The following PKN3 variants were observed in gnomAD, a reference collection of about 807,000 sequenced individuals.
PKN3 encodes protein kinase N3.
In PKN3, 91 loss-of-function variants were observed where a neutral mutation model predicts 113.1. The observed-to-expected ratio is 0.80, with a 90% CI of 0.68 to 0.96. The LOEUF (loss-of-function observed/expected upper bound fraction) is 0.96, where lower values mean the gene tolerates loss of function less well. Ranked by LOEUF, PKN3 falls within the 40% of genes least tolerant of loss-of-function variation. The pLI is 0.00. For missense variants in PKN3, 1,052 were observed against 1,202.2 expected (o/e 0.88, Z 1.85); for synonymous variants, 467 against 499.0 (o/e 0.94, Z 0.85).
chr9:128,718,674 C>A, intron 18 of PKN3, 49 bp downstream of exon 18: 1 of 1,545,724 alleles, frequency 6.5e-7, no homozygotes, highest in Non-Finnish European at 8.9e-7. Flanking sequence ...TTTACCCACC[C>A]TGGCCAATAG....
chr9:128,707,610 G>A (rs761821654), intron 6 of PKN3, among the ~76,000 whole-genome samples: 1 of 152,242 alleles, frequency 6.6e-6, no homozygotes, highest in Non-Finnish European at 1.5e-5. Context: ...ACCTCATAGG[G>A]TTGCTGTGTT....
At position 128,719,070 on chromosome 9, in the gene PKN3, A is replaced by AT. The variant is rs1862437618; in HGVS notation, c.2125+452dup. Among the ~76,000 whole-genome samples the AT allele has an allele frequency of 1.3e-5, 2 of 149,902 alleles. 1 individual carries two copies. Among genetic ancestry groups the AT allele is most frequent in the Non-Finnish European group, 3.0e-5 (2 of 67,396 alleles). On this transcript the variant is annotated intron_variant, in intron 18 of 21. Coordinates refer to ENST00000291906, the MANE Select transcript of PKN3 (RefSeq NM_013355.5). ...ACCACCACACCTGGCTAATTTTTGTATTTTTTTAGTAGAGACGGGGTTTCA... is the reference window on the plus strand; with the variant it reads ...ACCACCACACCTGGCTAATTTTTGTATTTTTTTTAGTAGAGACGGGGTTTCA...
chr9:128,720,624 T>G lies in PKN3; in HGVS notation c.*18T>G. On this transcript the variant is annotated 3_prime_UTR_variant, in exon 22 of 22. Transcript: ENST00000291906. The surrounding 1 kb of genome is among the most constrained non-coding windows in gnomAD (Gnocchi z 5.5). Reference sequence around the variant, plus strand: ...AACCCTGAGGGCATCTCCTGGCACCTCTGTCCCCTTCCCCCACAGACTGTT... The same window carrying G: ...AACCCTGAGGGCATCTCCTGGCACCGCTGTCCCCTTCCCCCACAGACTGTT... 1 of 1,598,350 alleles carries G rather than the reference T, an allele frequency of 6.3e-7. No individual in the cohort carries two copies. Among genetic ancestry groups the G allele is most frequent in the East Asian group, 2.2e-5 (1 of 44,572 alleles).
chr9:128,705,214 T>C, intron 1 of PKN3, 89 bp from the exon 2 acceptor site: 2 of 1,494,348 alleles, frequency 1.3e-6, no homozygotes, highest in Non-Finnish European at 1.8e-6. Context: ...CGTCCCTTCC[T>C]TCGCCTCCAT....
At position 128,707,409 on chromosome 9, in the gene PKN3, G is replaced by A. The variant is rs756987708; in HGVS notation, c.835+4G>A. 1.3e-6 allele frequency: 2 copies of A among 1,594,138 alleles called. No homozygotes were observed. The highest frequency in any genetic ancestry group is 1.7e-6 in the Non-Finnish European group (2 of 1,167,832). Reference sequence around the variant, plus strand: ...GTGAAGCCCACCGCCCTAACAGGTAGTCAGAAGTTCCTCCCCCTTCAAAGC... The same window carrying A: ...GTGAAGCCCACCGCCCTAACAGGTAATCAGAAGTTCCTCCCCCTTCAAAGC... On this transcript the variant is annotated splice_donor_region_variant and intron_variant, in intron 6 of 21. Transcript: ENST00000291906.
intron 6 of PKN3, among the ~76,000 whole-genome samples, chr9:128,711,534 G>A (rs1422816912): frequency 2.6e-5 from 4 of 151,464 alleles, no homozygotes; most frequent in African/African-American, 7.3e-5. Context: ...TCCTGACCTC[G>A]TGATCTGCCC....
At position 128,713,118 on chromosome 9, in the gene PKN3, C is replaced by T. The variant is rs370572604; in HGVS notation, c.902C>T (p.Ala301Val). The change falls in exon 7 of 22, where the codon GCG becomes GTG. Residue 301 changes from alanine to valine, a missense_variant. Physicochemically the swap from Ala to Val is moderately conservative, Grantham distance 64. This residue lies in a region of PKN3 where 719 missense variants were observed against 759.4 expected (regional missense o/e 0.95). Coordinates refer to ENST00000291906, the MANE Select transcript of PKN3 (RefSeq NM_013355.5). ...LLTAVPGRSPAAALASSPSEG... is the reference protein window; with the variant it reads ...LLTAVPGRSPVAALASSPSEG... ...ACAGCCGTGCCTGGGCGCTCCCCAG[C>T]GGCCGCACTGGCCAGCAGCCCCTCC... 1.2e-5 allele frequency: 20 copies of T among 1,611,900 alleles called. No individual in the cohort carries two copies. Among genetic ancestry groups the T allele is most frequent in the African/African-American group, 4.0e-5 (3 of 74,934 alleles).
intron 2 of PKN3, 44 bp from the exon 3 acceptor site, chr9:128,705,690 G>A (rs56408416): frequency 0.027 from 42,065 of 1,557,494 alleles, 752 homozygotes; most frequent in South Asian, 0.061. Flanking sequence ...TGGGGGTCTC[G>A]GCTCTGGGTG....
Position 128,718,569 on chromosome 9 carries a change from T to G in PKN3, c.2069T>G (p.Leu690Arg), listed in dbSNP as rs1458941941. 50 of 1,614,084 alleles carry G rather than the reference T, an allele frequency of 3.1e-5. No individual in the cohort carries two copies. The highest frequency in any genetic ancestry group is 4.2e-5 in the Non-Finnish European group (50 of 1,180,004). The change falls in exon 18 of 22, where the codon CTT becomes CGT. Residue 690 changes from leucine to arginine, a missense_variant. Around this residue, in one of 2 missense-constraint regions of PKN3, gnomAD observed 333 missense variants for 442.8 expected, o/e 0.75. Coordinates refer to ENST00000291906, the MANE Select transcript of PKN3 (RefSeq NM_013355.5). Reference protein sequence around the residue: ...IIYRDLKLDNLLLDAQGFLKI... With the variant: ...IIYRDLKLDNRLLDAQGFLKI... Reference sequence around the variant, plus strand: ...CTCAGGGACCTGAAGTTGGATAACCTTCTGCTGGATGCCCAGGGATTCCTG... The same window carrying G: ...CTCAGGGACCTGAAGTTGGATAACCGTCTGCTGGATGCCCAGGGATTCCTG...
Position 128,718,721 on chromosome 9 carries a change from C to T in PKN3, c.2125+96C>T, listed in dbSNP as rs1862419753. ...CATGGCATGTCCCAGGAAATCTCCT[C>T]ACCTGCGGATGCCCTGGTTCCACCA... On this transcript the variant is annotated intron_variant, in intron 18 of 21. Coordinates refer to ENST00000291906, the MANE Select transcript of PKN3 (RefSeq NM_013355.5). 8.5e-6 allele frequency: 10 copies of T among 1,173,800 alleles called. No individual in the cohort carries two copies. In the South Asian group the frequency reaches 1.2e-4, roughly 14 times the overall value. 72.7% of individuals were successfully genotyped at this position (1,173,800 alleles called of 1,614,324 possible). A position where few individuals can be genotyped will look rare whatever the true frequency, so the allele number is the denominator to read the frequency against.
intron 6 of PKN3, 63 bp from the exon 7 acceptor site, chr9:128,712,989 C>CT: frequency 1.3e-6 from 2 of 1,526,518 alleles, no homozygotes; most frequent in Non-Finnish European, 1.8e-6. Flanking sequence ...GGTCCCAGGA[C>CT]ACCTTGGTGG....
At chr9:128,711,326 A>C (rs1166002726) in intron 6 of PKN3, among the ~76,000 whole-genome samples, 1 of 92,498 alleles carries the variant, frequency 1.1e-5, no homozygotes, top group East Asian at 3.3e-4. Context: ...TTTTTTTTGG[A>C]GACAGAGTCT....
At chr9:128,708,619 C>T (rs1357504826) in intron 6 of PKN3, among the ~76,000 whole-genome samples, 4 of 151,474 alleles carry the variant, frequency 2.6e-5, no homozygotes, top group African/African-American at 4.9e-5. Context: ...CTGAGGTGGA[C>T]GAATCATTTG....
intron 1 of PKN3, chr9:128,703,287 G>A: frequency 1.2e-6 from 1 of 842,116 alleles, no homozygotes; most frequent in South Asian, 5.4e-5. Context: ...AAGGCCGACG[G>A]GAATTAGCCG....
At chr9:128,719,870 G>A in intron 19 of PKN3, 40 bp from the exon 20 acceptor site, 2 of 1,605,602 alleles carry the variant, frequency 1.2e-6, no homozygotes, top group South Asian at 2.2e-5. Flanking sequence ...GGGTGGGGGT[G>A]GGGTGGCCCG....
Position 128,720,499 on chromosome 9 carries a change from C to T in PKN3, c.2563C>T (p.Leu855=). 1.9e-6 allele frequency: 3 copies of T among 1,613,176 alleles called. No homozygotes were observed. In the South Asian group the frequency reaches 3.3e-5, roughly 18 times the overall value. Residue 855 remains leucine, a synonymous_variant, in exon 22 of 22, where the codon CTG becomes TTG. Transcript: ENST00000291906. This position sits in a 1 kb window ranked among gnomAD's most constrained non-coding sequence, Gnocchi z 5.5. ...CTACTTTGAGGGCGAGTTCACAGGG[C>T]TGCCGCCTGCCCTGACCCCACCTGC... ...LRYFEGEFTG[L]PPALTPPAPH...
intron 6 of PKN3, among the ~76,000 whole-genome samples, chr9:128,709,544 G>A (rs1310937072): frequency 6.6e-6 from 1 of 151,758 alleles, no homozygotes; most frequent in Non-Finnish European, 1.5e-5. Flanking sequence ...CTGAGGTCGG[G>A]AGTTCGAGAG....
rs1419282057 is a variant in PKN3 at position 128,715,989 on chromosome 9, TA to T, written c.1808+536del. On this transcript the variant is annotated intron_variant, in intron 15 of 21. Coordinates refer to ENST00000291906, the MANE Select transcript of PKN3 (RefSeq NM_013355.5). The surrounding 1 kb of genome is among the most constrained non-coding windows in gnomAD (Gnocchi z 4.1). Reference sequence around the variant, plus strand: ...CTGGGCAACAGAATGAGACCTCATCTAAAAAAACTAATTAAAAAAAAAAAAA... The same window carrying T: ...CTGGGCAACAGAATGAGACCTCATCTAAAAAACTAATTAAAAAAAAAAAAA... Among the ~76,000 whole-genome samples the T allele has an allele frequency of 2.0e-5, 3 of 148,406 alleles. No homozygotes were observed. The East Asian group carries it at 5.9e-4, about 29-fold the overall frequency.
Position 128,705,410 on chromosome 9 carries a change from C to T in PKN3, c.132C>T (p.Ala44=). The T allele has an allele frequency of 6.3e-7, 1 of 1,596,878 alleles. No homozygotes were observed. The change falls in exon 2 of 22, where the codon GCC becomes GCT. Residue 44 remains alanine, a synonymous_variant. Transcript: ENST00000291906. ...KEGVENLRRV[A]TDRRHLGHVQ... is the part of the protein sequence containing the mutation. ...GGGTGGAGAACCTGCGGCGCGTGGC[C>T]ACAGACCGCCGCCACTTGGGCCATG...
Sources: allele counts gnomAD v4.1 joint callset (sites outside exome capture counted in the v4.1 genomes callset), GRCh38; gene constraint gnomAD v4.1.1; regional missense constraint gnomAD v4.1.1; non-coding constraint Gnocchi (gnomAD v3.1); transcripts MANE v1.5; gene names NCBI Gene and HGNC (gene_info 2026-07-23, HGNC 2026-07-21).